The following FSHR variants were observed in gnomAD, a reference collection of about 807,000 sequenced individuals.
FSHR encodes the protein follicle-stimulating hormone receptor.
FSHR carries 46 observed loss-of-function variants against 52.1 expected under a neutral mutation model. The ratio of observed to expected loss-of-function variants is 0.88; its 90% CI spans 0.70 to 1.13. The LOEUF (loss-of-function observed/expected upper bound fraction) is 1.13. FSHR is among the 50% of genes most tolerant of loss of function. The pLI is 0.00. For missense variants in FSHR, 964 were observed against 834.6 expected (o/e 1.16, Z -1.91); for synonymous variants, 399 against 309.6 (o/e 1.29, Z -3.03).
chr2:48,986,021 A>C (rs187291040), intron 6 of FSHR, among the ~76,000 whole-genome samples: 3 of 152,214 alleles, frequency 2.0e-5, no homozygotes, highest in Non-Finnish European at 4.4e-5. Flanking sequence ...CCGCATGTAC[A>C]CGTTTTTTAC....
intron 1 of FSHR, among the ~76,000 whole-genome samples, chr2:49,142,753 A>T (rs2103841379): frequency 6.6e-6 from 1 of 152,274 alleles, no homozygotes; most frequent in South Asian, 2.1e-4. Context: ...GATGATGGTG[A>T]ATTAAGCTAT....
At chr2:49,052,290 C>T (rs997332300) in intron 2 of FSHR, among the ~76,000 whole-genome samples, 1 of 152,156 alleles carries the variant, frequency 6.6e-6, no homozygotes, top group African/African-American at 2.4e-5. Flanking sequence ...CTCCCAGCTT[C>T]CTCTTTGATC....
At chr2:48,990,741 G>C (rs1675733755) in intron 4 of FSHR, 104 bp from the exon 5 acceptor site, 2 of 799,938 alleles carry the variant, frequency 2.5e-6, no homozygotes, top group Non-Finnish European at 4.4e-6. Context: ...TGAACCATCA[G>C]AAAAATCTAC....
At chr2:49,020,833 T>C (rs1882557) in intron 2 of FSHR, among the ~76,000 whole-genome samples, 46,156 of 151,912 alleles carry the variant, frequency 0.3, 7,846 homozygotes, top group Non-Finnish European at 0.4. Flanking sequence ...ATGTCTAACG[T>C]AGGAACAGAA....
intron 2 of FSHR, among the ~76,000 whole-genome samples, chr2:49,051,657 T>A (rs1668861563): frequency 6.6e-6 from 1 of 152,086 alleles, no homozygotes; most frequent in Non-Finnish European, 1.5e-5. Flanking sequence ...TTCTTGATGG[T>A]GTCTTTTTTT....
At chr2:49,114,395 C>A (rs142253326) in intron 1 of FSHR, among the ~76,000 whole-genome samples, 1 of 152,290 alleles carries the variant, frequency 6.6e-6, no homozygotes, top group East Asian at 1.9e-4. Flanking sequence ...TCAGAACCAG[C>A]TTGCCATGAT....
chr2:49,072,175 C>A (rs1483776502), intron 1 of FSHR, among the ~76,000 whole-genome samples: 2 of 152,010 alleles, frequency 1.3e-5, no homozygotes, highest in East Asian at 3.9e-4. Flanking sequence ...AACTCTTCTC[C>A]CCCAATACAC....
At chr2:48,989,193 C>A in intron 5 of FSHR, 139 bp from the exon 6 acceptor site, 1 of 652,876 alleles carries the variant, frequency 1.5e-6, no homozygotes, top group South Asian at 1.8e-5. Flanking sequence ...AGAAGATGAT[C>A]AGCTCAAAGT....
intron 5 of FSHR, among the ~76,000 whole-genome samples, 189 bp from the exon 6 acceptor site, chr2:48,989,243 C>G (rs188485049): frequency 6.0e-4 from 84 of 139,412 alleles, no homozygotes; most frequent in African/African-American, 1.9e-3. Flanking sequence ...TTAGTATGTT[C>G]TTACAAATGG....
At chr2:49,150,373 A>G (rs1032383084) in intron 1 of FSHR, among the ~76,000 whole-genome samples, 25 of 152,240 alleles carry the variant, frequency 1.6e-4, no homozygotes, top group African/African-American at 5.5e-4. Flanking sequence ...TTCCAAAATC[A>G]GTCTCATATC....
chr2:49,089,729 T>C (rs914930501), intron 1 of FSHR, among the ~76,000 whole-genome samples: 64 of 139,324 alleles, frequency 4.6e-4, no homozygotes, highest in African/African-American at 1.5e-3. Context: ...TCTTGATTTT[T>C]GACAGTTCCT....
At chr2:49,001,454 C>T (rs561845109) in intron 4 of FSHR, among the ~76,000 whole-genome samples, 5 of 152,058 alleles carry the variant, frequency 3.3e-5, no homozygotes, top group Middle Eastern at 3.2e-3. Context: ...AGGTGAGATT[C>T]GCAGCTAACA....
At chr2:49,095,912 T>A (rs550074585) in intron 1 of FSHR, among the ~76,000 whole-genome samples, 1 of 152,236 alleles carries the variant, frequency 6.6e-6, no homozygotes, top group South Asian at 2.1e-4. Context: ...ATAATCACAA[T>A]GAAATGCCAC....
chr2:49,049,428 A>G (rs1471307245), intron 2 of FSHR, among the ~76,000 whole-genome samples: 1 of 152,132 alleles, frequency 6.6e-6, no homozygotes, highest in African/African-American at 2.4e-5. Flanking sequence ...ATATCTTAGC[A>G]CCTGGAAGTC....
At chr2:49,106,840 G>A (rs1572752876) in intron 1 of FSHR, among the ~76,000 whole-genome samples, 2 of 152,264 alleles carry the variant, frequency 1.3e-5, no homozygotes, top group East Asian at 3.9e-4. Flanking sequence ...CTACATATGT[G>A]CAAGATGGCA....
chr2:49,057,136 A>G (rs757727631), intron 2 of FSHR, among the ~76,000 whole-genome samples: 4 of 152,092 alleles, frequency 2.6e-5, no homozygotes, highest in Non-Finnish European at 4.4e-5. Context: ...ACCAAACCAA[A>G]AATTAGTAGA....
chr2:49,149,773 CAAAG>C (rs1672997799), intron 1 of FSHR, among the ~76,000 whole-genome samples: 1 of 151,504 alleles, frequency 6.6e-6, no homozygotes, highest in African/African-American at 2.4e-5. Context: ...GAATGTAAGC[CAAAG>C]AAAGAAAATA....
rs138775627 is a variant in FSHR, at chr2:48,991,819, G to A, written c.375-1182C>T. 7.9e-5 allele frequency among the ~76,000 whole-genome samples: 12 copies of A among 152,242 alleles called. No homozygotes were observed. In the East Asian group the frequency reaches 2.3e-3, roughly 29 times the overall value. On this transcript the variant is annotated intron_variant, in intron 4 of 9. Coordinates refer to ENST00000406846, the MANE Select transcript of FSHR (RefSeq NM_000145.4). Reference sequence around the variant, plus strand: ...CCTCTCTACTCCCATTCCCTTTTCTGTATGTGACTTACTCAAGATGGAGGT... The same window carrying A: ...CCTCTCTACTCCCATTCCCTTTTCTATATGTGACTTACTCAAGATGGAGGT...
intron 1 of FSHR, among the ~76,000 whole-genome samples, chr2:49,142,600 AT>A (rs1416652022): frequency 6.6e-6 from 1 of 152,198 alleles, no homozygotes; most frequent in East Asian, 1.9e-4. Flanking sequence ...AGTGTAATAA[AT>A]TTTATTCTAA....
Sources: allele counts gnomAD v4.1 joint callset (sites outside exome capture counted in the v4.1 genomes callset), GRCh38; gene constraint gnomAD v4.1.1; transcripts MANE v1.5; gene names NCBI Gene and HGNC (gene_info 2026-07-23, HGNC 2026-07-21).